PTPRQ: variants seen among roughly 807,000 people sequenced by gnomAD.
PTPRQ encodes the protein protein tyrosine phosphatase receptor type Q.
A neutral mutation model predicts 246.0 loss-of-function variants in PTPRQ; 199 were observed. The ratio of observed to expected loss-of-function variants is 0.81; its 90% confidence interval spans 0.72 to 0.91. The LOEUF is 0.91. PTPRQ is among the 40% of genes least tolerant of loss of function. The pLI is 0.00. For synonymous variants in PTPRQ, 869 were observed against 853.2 expected, an observed-to-expected ratio of 1.02 and a Z score of -0.32; for missense variants, 2,624 against 2,528.4, an observed-to-expected ratio of 1.04 and a Z score of -0.81.
chr12:80,455,167 C>T (rs1565715265), intron 3 of PTPRQ, among the ~76,000 whole-genome samples: 1 of 150,982 alleles, frequency 6.6e-6, no homozygotes. Flanking sequence ...GAACAAAACG[C>T]CGCCAAACAA....
intron 34 of PTPRQ, among the ~76,000 whole-genome samples, chr12:80,634,126 C>CT (rs1565831837): frequency 6.6e-6 from 1 of 151,808 alleles, no homozygotes; most frequent in Non-Finnish European, 1.5e-5. Context: ...TAATTTGAAT[C>CT]TTTTTTTCTC....
chr12:80,542,008 C>A (rs1270948792), intron 21 of PTPRQ, 81 bp from the exon 22 acceptor site: 22 of 1,490,092 alleles, frequency 1.5e-5, no homozygotes, highest in Non-Finnish European at 1.8e-5. Context: ...CTAAGAAAAT[C>A]AAATCCCATT....
At position 80,534,194 on chromosome 12, in the gene PTPRQ, C is replaced by T. The variant is rs765404378; in HGVS notation, c.2839+19C>T. The T allele has an allele frequency of 1.2e-5, 17 of 1,452,542 alleles. No individual in the cohort carries two copies. In the South Asian group the frequency reaches 2.5e-4, roughly 21 times the overall value. 90.0% of individuals were successfully genotyped at this position (1,452,542 alleles called of 1,614,324 possible). A position where few individuals can be genotyped will look rare whatever the true frequency, so the allele number is the denominator to read the frequency against. On this transcript the variant is annotated intron_variant, in intron 18 of 44. Coordinates refer to ENST00000644991, the MANE Select transcript of PTPRQ (RefSeq NM_001145026.2). ...GAGGGAGGTGAGTTAAGGATGTATG[C>T]CAATTAAAAGAATGTTCTTTTTCTT...
At chr12:80,530,322 G>A (rs899177476) in intron 17 of PTPRQ, among the ~76,000 whole-genome samples, 1 of 152,078 alleles carries the variant, frequency 6.6e-6, no homozygotes, top group Non-Finnish European at 1.5e-5. Flanking sequence ...AATTGTTTTA[G>A]AATTATTTAC....
intron 38 of PTPRQ, among the ~76,000 whole-genome samples, chr12:80,657,473 G>T (rs1900479759): frequency 6.6e-6 from 1 of 151,562 alleles, no homozygotes; most frequent in African/African-American, 2.4e-5. Flanking sequence ...AAATTTTACT[G>T]CTGGTAGTAT....
intron 9 of PTPRQ, among the ~76,000 whole-genome samples, chr12:80,487,665 T>A (rs1461702801): frequency 8.5e-5 from 13 of 152,138 alleles, no homozygotes; most frequent in Non-Finnish European, 1.5e-5. Context: ...CAATAGCCAC[T>A]TAATGTTAAG....
At chr12:80,609,867 T>C (rs1307600439) in intron 27 of PTPRQ, among the ~76,000 whole-genome samples, 4 of 150,668 alleles carry the variant, frequency 2.7e-5, no homozygotes, top group African/African-American at 9.7e-5. Context: ...TATCTATCAG[T>C]CTTATCTTCT....
intron 37 of PTPRQ, among the ~76,000 whole-genome samples, chr12:80,650,581 T>C (rs1900223573): frequency 6.6e-6 from 1 of 152,042 alleles, no homozygotes; most frequent in Non-Finnish European, 1.5e-5. Flanking sequence ...AATATTTCAG[T>C]CTCTTAGGGA....
At chr12:80,557,623 T>C (rs1896681507) in intron 25 of PTPRQ, among the ~76,000 whole-genome samples, 1 of 152,114 alleles carries the variant, frequency 6.6e-6, no homozygotes, top group African/African-American at 2.4e-5. Context: ...GAAAGGCATG[T>C]CTTGATGAAT....
At chr12:80,534,217 C>G (rs1895923575) in intron 18 of PTPRQ, 42 bp downstream of exon 18, 1 of 1,417,058 alleles carries the variant, frequency 7.1e-7, no homozygotes, top group Non-Finnish European at 9.3e-7. Flanking sequence ...TGTTCTTTTT[C>G]TTTAAAAAAA....
chr12:80,502,850 G>A (rs1894844208), intron 14 of PTPRQ, among the ~76,000 whole-genome samples: 1 of 151,848 alleles, frequency 6.6e-6, no homozygotes, highest in African/African-American at 2.4e-5. Context: ...TGGGGGAAAA[G>A]ATTATTGGAA....
At chr12:80,634,902 T>C (rs1899583372) in intron 34 of PTPRQ, 43 bp from the exon 35 acceptor site, 1 of 1,544,418 alleles carries the variant, frequency 6.5e-7, no homozygotes, top group African/African-American at 1.4e-5. Context: ...TTTATATACT[T>C]TGTGTGAAAC....
intron 25 of PTPRQ, among the ~76,000 whole-genome samples, chr12:80,560,233 C>G (rs1311026773): frequency 1.3e-5 from 2 of 152,110 alleles, no homozygotes; most frequent in African/African-American, 4.8e-5. Flanking sequence ...CTTGGGAGCT[C>G]TTTGATTTTG....
intron 20 of PTPRQ, 87 bp from the exon 21 acceptor site, chr12:80,541,468 C>A: frequency 9.2e-7 from 1 of 1,083,070 alleles, no homozygotes; most frequent in Non-Finnish European, 1.2e-6. Flanking sequence ...TAATAGTTGC[C>A]ATTTCAACAA....
chr12:80,610,659 A>G, intron 28 of PTPRQ, 34 bp downstream of exon 28: 4 of 1,536,946 alleles, frequency 2.6e-6, no homozygotes, highest in Non-Finnish European at 3.5e-6. Context: ...CTAAAAATTG[A>G]CTGAGATTTA....
chr12:80,537,659 G>T (rs967035182), intron 19 of PTPRQ, among the ~76,000 whole-genome samples: 3 of 152,102 alleles, frequency 2.0e-5, no homozygotes, highest in Non-Finnish European at 2.9e-5. Flanking sequence ...TCTTATCTTG[G>T]AGAATTTAAC....
chr12:80,625,400 A>G (rs1272960704), intron 33 of PTPRQ, among the ~76,000 whole-genome samples: 1 of 152,152 alleles, frequency 6.6e-6, no homozygotes, highest in Non-Finnish European at 1.5e-5. Context: ...GCATTCATTC[A>G]CTGGTATTTT....
At chr12:80,583,524 G>T (rs934843798) in intron 25 of PTPRQ, among the ~76,000 whole-genome samples, 3 of 152,086 alleles carry the variant, frequency 2.0e-5, no homozygotes, top group African/African-American at 7.2e-5. Flanking sequence ...CAAACTAATA[G>T]AGCTATCTGA....
chr12:80,655,881 T>C (rs954378674), intron 38 of PTPRQ, among the ~76,000 whole-genome samples: 1 of 152,210 alleles, frequency 6.6e-6, no homozygotes, highest in African/African-American at 2.4e-5. Flanking sequence ...TATCACAGCA[T>C]GTTTTAGAAG....
Sources: allele counts gnomAD v4.1 joint callset (sites outside exome capture counted in the v4.1 genomes callset), GRCh38; gene constraint gnomAD v4.1.1; transcripts MANE v1.5; gene names NCBI Gene and HGNC (gene_info 2026-07-23, HGNC 2026-07-21).